Variants in CNTNAP2 observed in about 807,000 individuals in gnomAD.
The protein encoded by CNTNAP2 is contactin-associated protein-like 2.
In CNTNAP2, 98 loss-of-function variants were observed where a neutral mutation model predicts 155.2. That is an observed-to-expected ratio of 0.63 (90% CI 0.54 to 0.75). The LOEUF (loss-of-function observed/expected upper bound fraction) is 0.75, where lower values mean the gene tolerates loss of function less well. Among genes scored for constraint, CNTNAP2 ranks in the 30% least tolerant of loss-of-function variants. The probability of loss-of-function intolerance (pLI) is 0.00; values close to 1 mark genes in which losing one functional copy is unlikely to be tolerated. For synonymous variants in CNTNAP2, 651 were observed against 631.2 expected, an observed-to-expected ratio of 1.03 and a Z score of -0.47; for missense variants, 1,727 against 1,688.1, an observed-to-expected ratio of 1.02 and a Z score of -0.40.
chr7:146,970,332 A>G (rs1036151761), intron 3 of CNTNAP2, among the ~76,000 whole-genome samples: 2 of 151,970 alleles, frequency 1.3e-5, no homozygotes, highest in African/African-American at 4.8e-5. Context: ...GCTACTATCC[A>G]GAATCTACAA....
intron 17 of CNTNAP2, among the ~76,000 whole-genome samples, chr7:148,153,918 T>A (rs1805353346): frequency 6.6e-6 from 1 of 152,240 alleles, no homozygotes; most frequent in Non-Finnish European, 1.5e-5. Context: ...AGCATGCAAC[T>A]GCTCTTGGCA....
At chr7:147,089,776 A>C (rs1800359988) in intron 4 of CNTNAP2, among the ~76,000 whole-genome samples, 1 of 152,182 alleles carries the variant, frequency 6.6e-6, no homozygotes, top group Admixed American at 6.5e-5. Context: ...TAAGCTATAA[A>C]GAAATTCTGG....
intron 9 of CNTNAP2, among the ~76,000 whole-genome samples, chr7:147,381,146 TA>T (rs1297787138): frequency 2.0e-5 from 3 of 152,154 alleles, no homozygotes; most frequent in African/African-American, 7.2e-5. Flanking sequence ...GTCACTGTAC[TA>T]GGGGCTTTTA....
intron 9 of CNTNAP2, among the ~76,000 whole-genome samples, chr7:147,389,408 GT>G (rs1796673013): frequency 4.6e-5 from 7 of 152,074 alleles, no homozygotes; most frequent in African/African-American, 1.7e-4. Context: ...GTTGTCCACC[GT>G]TTGCTTTTTC....
At chr7:147,134,216 A>G (rs375117235) in intron 8 of CNTNAP2, among the ~76,000 whole-genome samples, 3 of 152,002 alleles carry the variant, frequency 2.0e-5, no homozygotes, top group African/African-American at 7.2e-5. Context: ...GTCAATAAAC[A>G]TGTATTAATT....
intron 13 of CNTNAP2, among the ~76,000 whole-genome samples, chr7:147,738,129 T>C (rs1796889456): frequency 6.6e-6 from 1 of 152,214 alleles, no homozygotes; most frequent in Admixed American, 6.5e-5. Context: ...AGCTGTAGAC[T>C]GGAGCTGTTC....
chr7:146,923,485 T>A (rs965313188), intron 3 of CNTNAP2, among the ~76,000 whole-genome samples: 1 of 152,152 alleles, frequency 6.6e-6, no homozygotes, highest in Non-Finnish European at 1.5e-5. Context: ...GCATATAATA[T>A]GTGCTTAGCA....
At chr7:147,800,614 T>A (rs1797968943) in intron 13 of CNTNAP2, among the ~76,000 whole-genome samples, 2 of 152,098 alleles carry the variant, frequency 1.3e-5, no homozygotes, top group African/African-American at 4.8e-5. Context: ...TTCTATAGCA[T>A]ATGGAGGAGA....
At position 147,300,288 on chromosome 7, in the gene CNTNAP2, G is replaced by A; in HGVS notation, c.1496G>A (p.Gly499Glu). The A allele has an allele frequency of 1.2e-6, 2 of 1,613,650 alleles. No individual in the cohort carries two copies. The highest frequency in any genetic ancestry group is 1.7e-6 in the Non-Finnish European group (2 of 1,179,782). Residue 499 changes from glycine (G) to glutamate (E), a missense_variant and splice_region_variant, in exon 9 of 24, where the codon GGA (glycine) becomes GAA (glutamate). Physicochemically the swap from Gly to Glu is moderately conservative, Grantham distance 98. Transcript: ENST00000361727. ...QVKTGEKYFF[G>E]GFLNQMNNSS... ...AAAACTGGCGAGAAGTACTTTTTTG[G>A]AGGTAAGAATGCCATTCCTTTTTGG...
At chr7:146,920,990 C>T (rs1254336776) in intron 3 of CNTNAP2, among the ~76,000 whole-genome samples, 1 of 152,020 alleles carries the variant, frequency 6.6e-6, no homozygotes, top group Non-Finnish European at 1.5e-5. Context: ...TATTTTAGGG[C>T]AATGTTATGT....
intron 9 of CNTNAP2, among the ~76,000 whole-genome samples, chr7:147,351,890 T>C (rs1293952770): frequency 2.0e-5 from 3 of 151,952 alleles, no homozygotes; most frequent in Non-Finnish European, 2.9e-5. Flanking sequence ...AGTGATTAGG[T>C]AATATGAACA....
intron 8 of CNTNAP2, among the ~76,000 whole-genome samples, chr7:147,218,315 A>G (rs1457825318): frequency 6.6e-6 from 1 of 151,770 alleles, no homozygotes; most frequent in Non-Finnish European, 1.5e-5. Flanking sequence ...ACTACATCCA[A>G]CAAATGTTAA....
chr7:146,160,173 T>A (rs549661524), intron 1 of CNTNAP2, among the ~76,000 whole-genome samples: 1 of 152,138 alleles, frequency 6.6e-6, no homozygotes, highest in African/African-American at 2.4e-5. Flanking sequence ...TACCAGAATC[T>A]CTGGGACACA....
chr7:146,453,357 A>G (rs901439470), intron 1 of CNTNAP2, among the ~76,000 whole-genome samples: 1 of 152,224 alleles, frequency 6.6e-6, no homozygotes, highest in Non-Finnish European at 1.5e-5. Flanking sequence ...CATCAGTAGT[A>G]AAGCAAAATT....
intron 3 of CNTNAP2, among the ~76,000 whole-genome samples, chr7:147,002,554 T>C (rs560205642): frequency 6.6e-6 from 1 of 152,158 alleles, no homozygotes; most frequent in Admixed American, 6.6e-5. Context: ...TTTACTTTCA[T>C]GCCAAGCAAG....
At chr7:147,331,277 A>G (rs1795561291) in intron 9 of CNTNAP2, among the ~76,000 whole-genome samples, 1 of 152,150 alleles carries the variant, frequency 6.6e-6, no homozygotes, top group African/African-American at 2.4e-5. Context: ...AAGGATGATA[A>G]CCAGGATCGC....
At chr7:147,206,380 C>T (rs1025873847) in intron 8 of CNTNAP2, among the ~76,000 whole-genome samples, 7 of 151,522 alleles carry the variant, frequency 4.6e-5, no homozygotes, top group African/African-American at 1.5e-4. Context: ...GCCTGGGCAA[C>T]ATTGTGAAAC....
intron 13 of CNTNAP2, among the ~76,000 whole-genome samples, chr7:147,806,032 G>A (rs1195772179): frequency 6.6e-6 from 1 of 152,162 alleles, no homozygotes; most frequent in African/African-American, 2.4e-5. Context: ...TCTCCACACA[G>A]CAAGGGAGAC....
chr7:146,683,571 G>T (rs1414029792), intron 1 of CNTNAP2, among the ~76,000 whole-genome samples: 1 of 152,106 alleles, frequency 6.6e-6, no homozygotes, highest in Admixed American at 6.6e-5. Context: ...CAAATAACAG[G>T]AATTCCTTTA....
Sources: gnomAD v4.1 joint callset for allele counts (sites outside exome capture counted in the v4.1 genomes callset) on GRCh38, gnomAD v4.1.1 for gene constraint, MANE v1.5 for transcripts, NCBI Gene and HGNC (gene_info 2026-07-23, HGNC 2026-07-21) for gene names.